BAZ2B: variants seen among roughly 807,000 people sequenced by gnomAD.
The protein encoded by BAZ2B is bromodomain adjacent to zinc finger domain 2B.
BAZ2B carries 91 observed loss-of-function variants against 246.0 expected under a neutral mutation model. That is an observed-to-expected ratio of 0.37 (90% confidence interval 0.31 to 0.44). The LOEUF (loss-of-function observed/expected upper bound fraction) is 0.44, where lower values mean the gene tolerates loss of function less well. Among genes scored for constraint, BAZ2B ranks in the 20% least tolerant of loss-of-function variants. The pLI, the probability that BAZ2B is intolerant of heterozygous loss-of-function variation, is 1.00. For synonymous variants in BAZ2B, 855 were observed against 860.0 expected, an observed-to-expected ratio of 0.99 and a Z score of 0.10; for missense variants, 2,332 against 2,533.7, an observed-to-expected ratio of 0.92 and a Z score of 1.71.
At chr2:159,323,972 C>CTGTTA in intron 36 of BAZ2B, among the ~76,000 whole-genome samples, 1 of 152,022 alleles carries the variant, frequency 6.6e-6, no homozygotes, top group Non-Finnish European at 1.5e-5. Context: ...CTTTGGACGG[C>CTGTTA]TGTTATTTCA....
chr2:159,681,777 T>C, the BAZ2B span, among the ~76,000 whole-genome samples: 2 of 151,948 alleles, frequency 1.3e-5, no homozygotes, highest in East Asian at 1.9e-4. Flanking sequence ...ATACAAAAAT[T>C]AGCCAGGCGT....
chr2:159,430,396 C>T lies in BAZ2B; in HGVS notation c.2194+467G>A, dbSNP rs990685675. 1.8e-4 allele frequency among the ~76,000 whole-genome samples: 27 copies of T among 152,260 alleles called. 1 individual carries two copies. The highest frequency in any genetic ancestry group is 3.4e-4 in the Non-Finnish European group (23 of 68,018). On this transcript the variant is annotated intron_variant, in intron 10 of 36. Coordinates refer to ENST00000392783, the MANE Select transcript of BAZ2B (RefSeq NM_013450.4). The stretch of plus-strand genomic sequence containing the variant: ...TTTATTGTAAGAATACAGTATATAA[C>T]ACATACAACATACGTTAATTGACTA...
At chr2:159,556,312 T>C (rs993421521) in intron 1 of BAZ2B, among the ~76,000 whole-genome samples, 3 of 152,200 alleles carry the variant, frequency 2.0e-5, no homozygotes, top group African/African-American at 7.2e-5. Context: ...TACTTAATAC[T>C]GGAGACATTA....
chr2:159,554,574 G>A (rs2088810131), intron 2 of BAZ2B, among the ~76,000 whole-genome samples: 1 of 151,622 alleles, frequency 6.6e-6, no homozygotes, highest in Non-Finnish European at 1.5e-5. Context: ...TCTGCAAAAT[G>A]TTAAACTTAA....
At chr2:159,512,612 T>C (rs2083046378) in intron 2 of BAZ2B, among the ~76,000 whole-genome samples, 1 of 152,162 alleles carries the variant, frequency 6.6e-6, no homozygotes, top group South Asian at 2.1e-4. Context: ...CCCTTAATCT[T>C]TGAAGTTTTA....
In BAZ2B at chr2:159,326,421, A is replaced by AT. The variant is rs113206346; in HGVS notation, c.5944-504dup. Among the ~76,000 whole-genome samples, 8 of 152,124 alleles carry AT rather than the reference A, an allele frequency of 5.3e-5. No homozygotes were observed. In the East Asian group the frequency reaches 5.8e-4, roughly 11 times the overall value. ...ATCAAATCTACTAGAAATTGATTTGATTTTTTTTCCTGGATAAAAGATAAC... is the reference window on the plus strand; with the variant it reads ...ATCAAATCTACTAGAAATTGATTTGATTTTTTTTTCCTGGATAAAAGATAAC... On this transcript the variant is annotated intron_variant, in intron 34 of 36. Coordinates refer to ENST00000392783, the MANE Select transcript of BAZ2B (RefSeq NM_013450.4).
At chr2:159,338,348 C>CCCT (rs1448107184) in intron 31 of BAZ2B, among the ~76,000 whole-genome samples, 1 of 152,150 alleles carries the variant, frequency 6.6e-6, no homozygotes, top group East Asian at 1.9e-4. Context: ...GGAGCTAAGT[C>CCCT]CCTCTCTGAC....
At chr2:159,619,278 CTT>C (rs527387983), upstream of BAZ2B, among the ~76,000 whole-genome samples, 330 of 151,840 alleles carry the variant, frequency 2.2e-3, no homozygotes, top group African/African-American at 7.4e-3. Context: ...AAGGAAGTAA[CTT>C]ATAACAAAAT....
At position 159,501,138 on chromosome 2, in the gene BAZ2B, T is replaced by TA. The variant is rs1559628462; in HGVS notation, c.-2-22418_-2-22417insT. Among the ~76,000 whole-genome samples the TA allele has an allele frequency of 6.6e-4, 51 of 76,738 alleles. 1 individual carries two copies. Among genetic ancestry groups the TA allele is most frequent in the African/African-American group, 2.9e-3 (47 of 16,120 alleles). The allele number at this position is 76,738 out of a possible 152,430, so 50.3% of individuals were successfully genotyped here. On this transcript the variant is annotated intron_variant, in intron 2 of 36. Transcript: ENST00000392783. ...ATATATATATAATATATATATATAT[T>TA]TTATATATATAATATATATAAATAT...
intron 21 of BAZ2B, among the ~76,000 whole-genome samples, chr2:159,387,837 T>G (rs1176372369): frequency 2.6e-5 from 4 of 152,134 alleles, no homozygotes; most frequent in Non-Finnish European, 5.9e-5. Context: ...GCTTATTAAA[T>G]GTGTTAACTA....
chr2:159,344,701 G>A (rs1466248250), intron 31 of BAZ2B, among the ~76,000 whole-genome samples: 4 of 151,852 alleles, frequency 2.6e-5, no homozygotes, highest in South Asian at 2.1e-4. Context: ...TAAAAAGAAC[G>A]AAATATCCTG....
chr2:159,384,608 TAC>T (rs1268065417), intron 23 of BAZ2B, among the ~76,000 whole-genome samples: 9 of 152,136 alleles, frequency 5.9e-5, no homozygotes, highest in African/African-American at 2.2e-4. Context: ...ATTAGTATTT[TAC>T]TAGTAACAAG....
chr2:159,601,812 A>T (rs1469631690), intron 1 of BAZ2B, among the ~76,000 whole-genome samples: 1 of 152,230 alleles, frequency 6.6e-6, no homozygotes, highest in Non-Finnish European at 1.5e-5. Flanking sequence ...TATCATAAAA[A>T]AAGTTTAAGT....
the BAZ2B span, among the ~76,000 whole-genome samples, chr2:159,710,419 A>C: frequency 1.3e-5 from 2 of 152,154 alleles, no homozygotes; most frequent in Non-Finnish European, 2.9e-5. Context: ...TGTGTTAGCC[A>C]GGATGGTCTC....
At chr2:159,631,326 A>G in the BAZ2B span, among the ~76,000 whole-genome samples, 1 of 152,234 alleles carries the variant, frequency 6.6e-6, no homozygotes, top group Non-Finnish European at 1.5e-5. Context: ...AACTCATTTT[A>G]TATTTTATAC....
Position 159,319,421 on chromosome 2 carries a change from A to G in BAZ2B, c.*844T>C, listed in dbSNP as rs1259269836. 5 of 152,664 alleles carry G rather than the reference A, an allele frequency of 3.3e-5. No individual in the cohort carries two copies. The highest frequency in any genetic ancestry group is 7.3e-5 in the Non-Finnish European group (5 of 68,030). The allele number at this position is 152,664 out of a possible 1,614,324, so 9.5% of individuals were successfully genotyped here. On this transcript the variant is annotated 3_prime_UTR_variant, in exon 37 of 37. Transcript: ENST00000392783. The surrounding 1 kb of genome is among the most constrained non-coding windows in gnomAD (Gnocchi z 4.0). ...ATTAAGGAGACGCCACAGTGTTGGT[A>G]GAGGATAATTACTGTACAGACTGTA...
chr2:159,440,760 C>T (rs902682118), intron 6 of BAZ2B, among the ~76,000 whole-genome samples: 7 of 152,056 alleles, frequency 4.6e-5, no homozygotes, highest in African/African-American at 1.7e-4. Flanking sequence ...GCACCCGCCT[C>T]GGCCTCCCAA....
chr2:159,553,392 CAAAAAAAA>C (rs35253250), intron 2 of BAZ2B, among the ~76,000 whole-genome samples: 89 of 73,818 alleles, frequency 1.2e-3, no homozygotes, highest in African/African-American at 4.0e-3. Flanking sequence ...GACTCTGTCT[CAAAAAAAA>C]AAAAAAAAAA....
At chr2:159,655,573 T>C in the BAZ2B span, among the ~76,000 whole-genome samples, 2 of 152,172 alleles carry the variant, frequency 1.3e-5, no homozygotes, top group South Asian at 4.2e-4. Flanking sequence ...GAGGTGTTCA[T>C]TAATTATTTC....
Sources: allele counts gnomAD v4.1 joint callset (sites outside exome capture counted in the v4.1 genomes callset), GRCh38; gene constraint gnomAD v4.1.1; non-coding constraint Gnocchi (gnomAD v3.1); transcripts MANE v1.5; gene names NCBI Gene and HGNC (gene_info 2026-07-23, HGNC 2026-07-21).